The following PRH1 variants were observed in gnomAD, a reference collection of about 807,000 sequenced individuals.
PRH1 encodes proline rich protein HaeIII subfamily 1, also known as salivary acidic proline-rich phosphoprotein 1/2.
PRH1 carries 7 observed loss-of-function variants against 7.9 expected under a neutral mutation model. That is an observed-to-expected ratio of 0.89 (90% CI 0.50 to 1.67). The LOEUF (loss-of-function observed/expected upper bound fraction) is 1.67. PRH1 is among the 40% of genes most tolerant of loss of function. PRH1 has a pLI of 0.00. For missense variants in PRH1, 109 were observed against 223.6 expected (o/e 0.49, Z 3.27); for synonymous variants, 45 against 80.8 (o/e 0.56, Z 2.38).
chr12:10,913,519 T>C (rs185731817), intron 2 of PRH1, among the ~76,000 whole-genome samples: 1 of 152,224 alleles, frequency 6.6e-6, no homozygotes, highest in African/African-American at 2.4e-5. Context: ...GTTAGTGTTT[T>C]ATGGTGTGAT....
At chr12:11,114,882 A>G (rs1478153389) in intron 1 of PRH1, among the ~76,000 whole-genome samples, 2 of 152,196 alleles carry the variant, frequency 1.3e-5, no homozygotes, top group Admixed American at 1.3e-4. Context: ...ATCTCAAACC[A>G]AAAAGCATAG....
chr12:10,893,190 T>C (rs963574253), intron 2 of PRH1, among the ~76,000 whole-genome samples: 5 of 152,230 alleles, frequency 3.3e-5, no homozygotes, highest in African/African-American at 1.2e-4. Flanking sequence ...AGCAGCATCC[T>C]TGTCCTCGTA....
At chr12:11,060,638 T>C (rs1943555153) in intron 1 of PRH1, among the ~76,000 whole-genome samples, 1 of 152,096 alleles carries the variant, frequency 6.6e-6, no homozygotes, top group Non-Finnish European at 1.5e-5. Flanking sequence ...TTCATCCCTA[T>C]TATAGAAGAG....
At chr12:10,961,849 A>G (rs909771923) in intron 2 of PRH1, among the ~76,000 whole-genome samples, 4 of 152,210 alleles carry the variant, frequency 2.6e-5, no homozygotes, top group Non-Finnish European at 5.9e-5. Context: ...TTCCCCTTGT[A>G]GCCTTTCCGG....
At chr12:10,885,281 G>T (rs766348241), upstream of PRH1, among the ~76,000 whole-genome samples, 13 of 152,048 alleles carry the variant, frequency 8.5e-5, no homozygotes, top group Non-Finnish European at 1.3e-4. Flanking sequence ...TCTCACCAAG[G>T]ATTTTTATCT....
At chr12:10,950,741 ATTGT>A (rs1433020511) in intron 2 of PRH1, among the ~76,000 whole-genome samples, 1 of 152,092 alleles carries the variant, frequency 6.6e-6, no homozygotes, top group Admixed American at 6.5e-5. Flanking sequence ...GATTGTTTAG[ATTGT>A]TTAACAACCC....
chr12:11,047,028 G>A (rs1291662635), exon 1 of PRH1: 1 of 509,210 alleles, frequency 2.0e-6, no homozygotes, highest in Admixed American at 2.1e-5. Context: ...ACCTCATATG[G>A]ATAGATGGAG....
chr12:11,168,276 GAAAGAAA>G (rs1947668240), intron 1 of PRH1, among the ~76,000 whole-genome samples: 2 of 32,452 alleles, frequency 6.2e-5, no homozygotes, highest in African/African-American at 1.8e-4. Context: ...AAGAAAGAAA[GAAAGAAA>G]GAAAGAAAGA....
intron 2 of PRH1, among the ~76,000 whole-genome samples, chr12:10,900,784 T>A (rs1461853772): frequency 6.6e-6 from 1 of 152,186 alleles, no homozygotes; most frequent in Non-Finnish European, 1.5e-5. Context: ...AGCAGCTTCA[T>A]CTGCTCCACC....
intron 2 of PRH1, chr12:10,964,999 A>G: frequency 3.9e-6 from 3 of 761,786 alleles, no homozygotes. Context: ...TTAAGTGAAG[A>G]AAAATAAAGT....
intron 1 of PRH1, among the ~76,000 whole-genome samples, chr12:11,014,338 C>T (rs1039713588): frequency 1.3e-5 from 2 of 152,056 alleles, no homozygotes; most frequent in Non-Finnish European, 2.9e-5. Context: ...CAGGAGAGGG[C>T]AGCATCCTGA....
At chr12:10,950,823 G>T (rs1476130037) in intron 2 of PRH1, among the ~76,000 whole-genome samples, 2 of 151,436 alleles carry the variant, frequency 1.3e-5, no homozygotes, top group African/African-American at 4.9e-5. Context: ...GGCATCATAG[G>T]AAAATACAAA....
At chr12:10,934,390 T>C (rs2135876078) in intron 2 of PRH1, among the ~76,000 whole-genome samples, 1 of 152,288 alleles carries the variant, frequency 6.6e-6, no homozygotes, top group Admixed American at 6.5e-5. Context: ...GAAGATCTCT[T>C]TCACATCTTG....
chr12:10,986,557 G>A (rs1939641527), intron 1 of PRH1: 3 of 1,613,938 alleles, frequency 1.9e-6, no homozygotes, highest in South Asian at 1.1e-5. Context: ...AATATGCTGA[G>A]GTTAGCAGCA....
rs556789159 is a variant in PRH1, at chr12:10,984,209, G to A, written c.-125-10488C>T. Among the ~76,000 whole-genome samples the A allele has an allele frequency of 3.3e-5, 5 of 151,774 alleles. No individual in the cohort carries two copies. In the South Asian group the frequency reaches 8.3e-4, roughly 25 times the overall value. On this transcript the variant is annotated intron_variant, in intron 1 of 3. Transcript: ENST00000539853. ...AGATACCAAAATCTTTTATATTGATGTGCTTTTTAAAATGTATCACAATAG... is the reference window on the plus strand; with the variant it reads ...AGATACCAAAATCTTTTATATTGATATGCTTTTTAAAATGTATCACAATAG...
chr12:11,040,939 C>A (rs1027892627), intron 1 of PRH1, among the ~76,000 whole-genome samples: 2 of 151,830 alleles, frequency 1.3e-5, no homozygotes, highest in Non-Finnish European at 2.9e-5. Context: ...TCAAACCTAA[C>A]AGCATAGAAT....
At chr12:11,156,841 C>G (rs990819537) in intron 1 of PRH1, among the ~76,000 whole-genome samples, 7 of 136,542 alleles carry the variant, frequency 5.1e-5, no homozygotes, top group Non-Finnish European at 1.1e-4. Context: ...AAAGAAAACA[C>G]CAATTTTTTT....
At chr12:11,019,008 T>TA (rs1239001191) in intron 1 of PRH1, among the ~76,000 whole-genome samples, 46 of 152,074 alleles carry the variant, frequency 3.0e-4, no homozygotes, top group South Asian at 2.3e-3. Context: ...AAAAATAAAT[T>TA]AAAAAAAAAC....
At position 11,112,539 on chromosome 12, in the gene PRH1, C is replaced by G. The variant is rs573957373; in HGVS notation, n.123+58883G>C. Among the ~76,000 whole-genome samples the G allele has an allele frequency of 2.1e-3, 326 of 152,120 alleles. 1 individual carries two copies. Among genetic ancestry groups the G allele is most frequent in the African/African-American group, 7.2e-3 (298 of 41,492 alleles). ...AACATAATCCATCACATAAACAGAA[C>G]CAATGACAAAAACCACATGATTATC... is the stretch of plus-strand genomic sequence containing the variant. On this transcript the variant is annotated intron_variant and non_coding_transcript_variant, in intron 1 of 4. Transcript: ENST00000541977.
Sources: allele counts gnomAD v4.1 joint callset (sites outside exome capture counted in the v4.1 genomes callset), GRCh38; gene constraint gnomAD v4.1.1; transcripts MANE v1.5; gene names NCBI Gene and HGNC (gene_info 2026-07-23, HGNC 2026-07-21).